Variants in AP3B1 observed in about 807,000 individuals in gnomAD.
The protein encoded by AP3B1 is adaptor related protein complex 3 subunit beta 1.
Under a neutral mutation model 132.5 loss-of-function variants are expected in AP3B1, and 61 were observed. The observed-to-expected ratio is 0.46, with a 90% CI of 0.37 to 0.57. The LOEUF (loss-of-function observed/expected upper bound fraction) is 0.57. Ranked by LOEUF, AP3B1 falls within the 20% of genes least tolerant of loss-of-function variation. AP3B1 has a pLI of 0.00. For missense variants in AP3B1, 1,120 were observed against 1,289.4 expected, an observed-to-expected ratio of 0.87 and a Z score of 2.01; for synonymous variants, 388 against 438.3, an observed-to-expected ratio of 0.89 and a Z score of 1.43.
intron 20 of AP3B1, among the ~76,000 whole-genome samples, chr5:78,106,408 G>A (rs1160948045): frequency 6.6e-6 from 1 of 152,026 alleles, no homozygotes; most frequent in Non-Finnish European, 1.5e-5. Flanking sequence ...CAGAGAGCTG[G>A]GATCATGCCA....
intron 14 of AP3B1, among the ~76,000 whole-genome samples, chr5:78,150,980 A>G (rs763560762): frequency 5.3e-5 from 8 of 152,064 alleles, no homozygotes; most frequent in Admixed American, 2.0e-4. Flanking sequence ...GTGCAGTGGC[A>G]CAATCTCAGT....
intron 9 of AP3B1, 39 bp from the exon 10 acceptor site, chr5:78,175,877 C>T: frequency 6.9e-7 from 1 of 1,446,806 alleles, no homozygotes; most frequent in Non-Finnish European, 9.7e-7. Flanking sequence ...GTATATGTTC[C>T]AATGAAACAT....
At chr5:78,132,524 T>C (rs1311778132) in intron 15 of AP3B1, among the ~76,000 whole-genome samples, 1 of 152,234 alleles carries the variant, frequency 6.6e-6, no homozygotes, top group African/African-American at 2.4e-5. Flanking sequence ...ACAGCTATTG[T>C]TTCATTTTTC....
intron 20 of AP3B1, 64 bp from the exon 21 acceptor site, chr5:78,101,089 T>A: frequency 2.0e-6 from 2 of 1,008,742 alleles, no homozygotes; most frequent in Non-Finnish European, 3.0e-6. Context: ...GAGTAGTCCT[T>A]AATATTCCAA....
intron 11 of AP3B1, among the ~76,000 whole-genome samples, chr5:78,175,329 C>T (rs1561458012): frequency 6.6e-6 from 1 of 152,174 alleles, no homozygotes; most frequent in Non-Finnish European, 1.5e-5. Flanking sequence ...CAGACTGGAG[C>T]TGTTCCTATT....
intron 7 of AP3B1, among the ~76,000 whole-genome samples, chr5:78,191,357 A>ACC: frequency 1.5e-5 from 2 of 131,018 alleles, no homozygotes; most frequent in African/African-American, 3.0e-5. Context: ...TTTTCCCCAA[A>ACC]AAAAAAAAAA....
At chr5:78,055,960 C>T (rs1211726281) in intron 22 of AP3B1, among the ~76,000 whole-genome samples, 2 of 152,254 alleles carry the variant, frequency 1.3e-5, no homozygotes, top group South Asian at 4.2e-4. Context: ...TGCTACATCA[C>T]AGGGGACAAC....
intron 22 of AP3B1, among the ~76,000 whole-genome samples, chr5:78,065,361 C>CCCTG (rs1216915888): frequency 6.6e-6 from 1 of 151,988 alleles, no homozygotes; most frequent in East Asian, 1.9e-4. Flanking sequence ...TGAGCTTTGG[C>CCCTG]AGGGGAAGGG....
intron 7 of AP3B1, among the ~76,000 whole-genome samples, chr5:78,203,104 T>C (rs1745364178): frequency 2.6e-5 from 4 of 152,182 alleles, no homozygotes; most frequent in Non-Finnish European, 4.4e-5. Flanking sequence ...GTTGATCTTA[T>C]TGAGGAAACC....
intron 7 of AP3B1, among the ~76,000 whole-genome samples, chr5:78,183,799 G>A (rs765022595): frequency 3.3e-5 from 5 of 151,232 alleles, no homozygotes; most frequent in African/African-American, 9.7e-5. Context: ...CTCATGAGGC[G>A]GAGGTTGCAG....
At chr5:78,136,499 CAT>C (rs1752916450) in intron 15 of AP3B1, among the ~76,000 whole-genome samples, 1 of 152,194 alleles carries the variant, frequency 6.6e-6, no homozygotes, top group Admixed American at 6.5e-5. Flanking sequence ...ATACCTCAAA[CAT>C]GTACTTCAGA....
intron 7 of AP3B1, among the ~76,000 whole-genome samples, chr5:78,213,848 T>C (rs1745852102): frequency 1.3e-5 from 2 of 152,228 alleles, no homozygotes; most frequent in Admixed American, 1.3e-4. Context: ...ATAAATCTTC[T>C]ATTTAAAGTG....
At chr5:78,016,144 T>C (rs1561354924) in intron 25 of AP3B1, among the ~76,000 whole-genome samples, 1 of 152,042 alleles carries the variant, frequency 6.6e-6, no homozygotes, top group East Asian at 1.9e-4. Context: ...GGAAAGTGTT[T>C]TGCTGACAAA....
intron 17 of AP3B1, among the ~76,000 whole-genome samples, chr5:78,118,130 C>A (rs1315586097): frequency 6.6e-6 from 1 of 152,212 alleles, no homozygotes; most frequent in Non-Finnish European, 1.5e-5. Flanking sequence ...AGATTCACCT[C>A]CTAAAATTCT....
intron 3 of AP3B1, among the ~76,000 whole-genome samples, chr5:78,230,903 A>C (rs1261349387): frequency 6.6e-6 from 1 of 152,118 alleles, no homozygotes; most frequent in Non-Finnish European, 1.5e-5. Flanking sequence ...GGATCACCTG[A>C]GGTCCGGAGT....
chr5:78,292,708 A>G (rs1749582310), intron 1 of AP3B1, among the ~76,000 whole-genome samples: 1 of 152,222 alleles, frequency 6.6e-6, no homozygotes, highest in South Asian at 2.1e-4. Flanking sequence ...GGGGAACACA[A>G]TTCAACCATG....
At chr5:78,059,794 G>A (rs781133307) in intron 22 of AP3B1, among the ~76,000 whole-genome samples, 4 of 152,022 alleles carry the variant, frequency 2.6e-5, no homozygotes, top group Non-Finnish European at 5.9e-5. Flanking sequence ...ATTAAATTGA[G>A]GCTTCAATTT....
At chr5:78,187,371 T>C (rs75396225) in intron 7 of AP3B1, among the ~76,000 whole-genome samples, 2,150 of 152,280 alleles carry the variant, frequency 0.014, 58 homozygotes, top group African/African-American at 0.049. Flanking sequence ...GCACTATTAC[T>C]AACAAAATCA....
intron 7 of AP3B1, among the ~76,000 whole-genome samples, chr5:78,212,529 T>A (rs1262643251): frequency 1.3e-5 from 2 of 152,158 alleles, no homozygotes; most frequent in East Asian, 3.8e-4. Flanking sequence ...CCTTAATTCA[T>A]CATAAAATGG....
Sources: gnomAD v4.1 joint callset for allele counts (sites outside exome capture counted in the v4.1 genomes callset) on GRCh38, gnomAD v4.1.1 for gene constraint, MANE v1.5 for transcripts, NCBI Gene and HGNC (gene_info 2026-07-23, HGNC 2026-07-21) for gene names.